IP6K2: variants seen among roughly 807,000 people sequenced by gnomAD.
The protein encoded by IP6K2 is ATP:1D-myo-inositol-hexakisphosphate phosphotransferase.
A neutral mutation model predicts 43.3 loss-of-function variants in IP6K2; 9 were observed. That is an observed-to-expected ratio of 0.21 (90% confidence interval 0.13 to 0.36). IP6K2 has a LOEUF of 0.36. Ranked by LOEUF, IP6K2 falls within the 10% of genes least tolerant of loss-of-function variation. The pLI is 1.00. For synonymous variants in IP6K2, 209 were observed against 202.4 expected (o/e 1.03, Z -0.28); for missense variants, 332 against 538.4 (o/e 0.62, Z 3.79).
chr3:48,716,938 T>C (rs1343258158), intron 1 of IP6K2: 1 of 147,642 alleles, frequency 6.8e-6, no homozygotes, highest in African/African-American at 2.5e-5. Flanking sequence ...ACCACGGAAA[T>C]CCCTCCCCCA....
At chr3:48,696,292 C>T (rs1025827739) in intron 1 of IP6K2, among the ~76,000 whole-genome samples, 5 of 152,130 alleles carry the variant, frequency 3.3e-5, no homozygotes, top group Non-Finnish European at 7.3e-5. Flanking sequence ...CACACTGCTC[C>T]TGCCCAAGGC....
At position 48,688,902 on chromosome 3, in the gene IP6K2, A is replaced by AT. The variant is rs1416607915; in HGVS notation, c.781-130dup. On this transcript the variant is annotated intron_variant, in intron 5 of 5. Transcript: ENST00000328631. The surrounding 1 kb of genome is among the most constrained non-coding windows in gnomAD (Gnocchi z 5.1). ...ATCAGATAAAGTACACCAGTTGCAC[A>AT]TGAGCCACTGTCCACTATGCTCTCT... 5.1e-6 allele frequency: 5 copies of AT among 975,892 alleles called. No homozygotes were observed. The highest frequency in any genetic ancestry group is 1.6e-5 in the African/African-American group (1 of 61,192). 60.5% of individuals were successfully genotyped at this position (975,892 alleles called of 1,614,324 possible).
At chr3:48,713,805 T>C (rs868193459) in intron 1 of IP6K2, among the ~76,000 whole-genome samples, 1 of 117,484 alleles carries the variant, frequency 8.5e-6, no homozygotes, top group African/African-American at 3.3e-5. Context: ...AAAAAAAAAA[T>C]AGTAATACAA....
intron 1 of IP6K2, among the ~76,000 whole-genome samples, chr3:48,710,888 C>T (rs550594837): frequency 2.6e-5 from 4 of 152,230 alleles, no homozygotes; most frequent in Admixed American, 2.0e-4. Context: ...GGATTACAGG[C>T]GTGAGCCACC....
chr3:48,704,054 T>C (rs1235130394), intron 1 of IP6K2, among the ~76,000 whole-genome samples: 2 of 151,840 alleles, frequency 1.3e-5, no homozygotes, highest in Admixed American at 6.6e-5. Flanking sequence ...ATTGCGCCAC[T>C]GCACTCTAGC....
intron 1 of IP6K2, chr3:48,711,555 G>GTC (rs1342085306): frequency 7.2e-5 from 11 of 152,126 alleles, no homozygotes; most frequent in African/African-American, 2.4e-4. Flanking sequence ...TAATCAACTG[G>GTC]GCTCTCTCTC....
At chr3:48,712,736 G>T (rs1445794175) in intron 1 of IP6K2, among the ~76,000 whole-genome samples, 3 of 151,546 alleles carry the variant, frequency 2.0e-5, no homozygotes, top group African/African-American at 7.3e-5. Flanking sequence ...GTATGTGCAG[G>T]CCGGGCGCAG....
intron 1 of IP6K2, chr3:48,716,583 C>T (rs2081217809): frequency 6.6e-6 from 1 of 152,186 alleles, no homozygotes; most frequent in African/African-American, 2.4e-5. Flanking sequence ...CATTTAAAGG[C>T]ATTTTTTCTA....
chr3:48,691,621 G>A, intron 3 of IP6K2, 139 bp from the exon 4 acceptor site: 1 of 597,834 alleles, frequency 1.7e-6, no homozygotes, highest in Non-Finnish European at 2.9e-6. Flanking sequence ...TTGGAGACCA[G>A]CCTGGCCAAC....
At chr3:48,697,747 T>TA (rs2078559483) in intron 1 of IP6K2, among the ~76,000 whole-genome samples, 1 of 152,052 alleles carries the variant, frequency 6.6e-6, no homozygotes, top group Non-Finnish European at 1.5e-5. Flanking sequence ...GACACGATCA[T>TA]AGCTCAAAAC....
chr3:48,694,852 AC>A, intron 2 of IP6K2: 1 of 1,537,234 alleles, frequency 6.5e-7, no homozygotes, highest in Non-Finnish European at 8.7e-7. Context: ...CTACACTTCT[AC>A]CAAAATCAAA....
chr3:48,698,615 C>T (rs186291365), intron 1 of IP6K2, among the ~76,000 whole-genome samples: 3 of 152,210 alleles, frequency 2.0e-5, no homozygotes, highest in African/African-American at 4.8e-5. Context: ...GGACTATAGG[C>T]GCACGCCACC....
chr3:48,694,019 AGGCC>A, intron 2 of IP6K2: 2 of 1,413,722 alleles, frequency 1.4e-6, no homozygotes, highest in South Asian at 1.6e-5. Context: ...CTTTCCTCCC[AGGCC>A]TCTCTGCCCC....
intron 1 of IP6K2, among the ~76,000 whole-genome samples, chr3:48,704,127 T>C (rs1463175182): frequency 6.6e-6 from 1 of 151,758 alleles, no homozygotes; most frequent in Non-Finnish European, 1.5e-5. Flanking sequence ...AAACAAACAA[T>C]AAAAAACTAA....
At chr3:48,690,968 T>C (rs1488719292) in intron 4 of IP6K2, among the ~76,000 whole-genome samples, 1 of 151,886 alleles carries the variant, frequency 6.6e-6, no homozygotes, top group African/African-American at 2.4e-5. Context: ...TTTTCAGACT[T>C]CTGAAAAGTC....
chr3:48,713,276 T>C (rs2080772534), intron 1 of IP6K2, among the ~76,000 whole-genome samples: 1 of 152,204 alleles, frequency 6.6e-6, no homozygotes, highest in African/African-American at 2.4e-5. Flanking sequence ...CGAAGGCCTG[T>C]TGGCCCCGAA....
chr3:48,709,368 G>A (rs945388530), intron 1 of IP6K2, among the ~76,000 whole-genome samples: 4 of 152,200 alleles, frequency 2.6e-5, no homozygotes, highest in Non-Finnish European at 4.4e-5. Context: ...TTTCCTCTGG[G>A]TCCTTTCAAC....
rs986064142 is a variant in IP6K2 at position 48,695,379 on chromosome 3, C to T, written c.-88G>A. On this transcript the variant is annotated 5_prime_UTR_variant, in exon 2 of 6. Coordinates refer to ENST00000328631, the MANE Select transcript of IP6K2 (RefSeq NM_016291.4). This position sits in a 1 kb window ranked among gnomAD's most constrained non-coding sequence, Gnocchi z 4.6. ...CTGTCTGTTGTTTGTCCGTGTGTCC[C>T]TCTCGTCTTGGCTCCTTGGCTTGTT... 3.4e-6 allele frequency: 5 copies of T among 1,474,768 alleles called. No homozygotes were observed. In the South Asian group the frequency reaches 6.5e-5, roughly 19 times the overall value. 91.4% of individuals were successfully genotyped at this position (1,474,768 alleles called of 1,614,324 possible).
rs370618565 is a variant in IP6K2, at chr3:48,688,835, G to A, written c.781-62C>T. 1.0e-5 allele frequency: 16 copies of A among 1,533,336 alleles called. No homozygotes were observed. The highest frequency in any genetic ancestry group is 5.5e-5 in the African/African-American group (4 of 72,888). The allele number at this position is 1,533,336 out of a possible 1,614,324, so 95.0% of individuals were successfully genotyped here. A position where few individuals can be genotyped will look rare whatever the true frequency, so the allele number is the denominator to read the frequency against. The stretch of plus-strand genomic sequence containing the variant: ...CCATCTCAAACCCTGGACCCCGGGC[G>A]GGGGTGGGGTGGTGTGGTGGTGGCG... On this transcript the variant is annotated intron_variant, in intron 5 of 5. Transcript: ENST00000328631. The surrounding 1 kb of genome is among the most constrained non-coding windows in gnomAD (Gnocchi z 5.1).
Sources: allele counts gnomAD v4.1 joint callset (sites outside exome capture counted in the v4.1 genomes callset), GRCh38; gene constraint gnomAD v4.1.1; non-coding constraint Gnocchi (gnomAD v3.1); transcripts MANE v1.5; gene names NCBI Gene and HGNC (gene_info 2026-07-23, HGNC 2026-07-21).